Variants in CSMD1 observed in about 807,000 individuals in gnomAD.
CSMD1 encodes the protein CUB and sushi domain-containing protein 1.
A neutral mutation model predicts 417.5 loss-of-function variants in CSMD1; 213 were observed. The observed-to-expected ratio is 0.51, with a 90% CI of 0.46 to 0.57. CSMD1 has a LOEUF of 0.57. Among genes scored for constraint, CSMD1 ranks in the 20% least tolerant of loss-of-function variants. CSMD1 has a pLI of 0.00. For missense variants in CSMD1, 6,923 were observed against 4,529.7 expected, an observed-to-expected ratio of 1.53 and a Z score of -15.17; for synonymous variants, 2,862 against 1,736.8, an observed-to-expected ratio of 1.65 and a Z score of -16.11.
At chr8:3,776,579 T>C (rs1352860448) in intron 5 of CSMD1, among the ~76,000 whole-genome samples, 1 of 152,148 alleles carries the variant, frequency 6.6e-6, no homozygotes, top group Non-Finnish European at 1.5e-5. Context: ...ACTCACCTTC[T>C]TCCTACGGGA....
At chr8:4,439,995 G>A (rs1270465114) in intron 2 of CSMD1, among the ~76,000 whole-genome samples, 1 of 152,096 alleles carries the variant, frequency 6.6e-6, no homozygotes, top group Non-Finnish European at 1.5e-5. Context: ...CCTAGACATG[G>A]GGGGTATACA....
Position 3,262,216 on chromosome 8 carries a change from TATATATATATATATAC to T in CSMD1, c.4153+21912_4153+21927del, listed in dbSNP as rs1364808727. Among the ~76,000 whole-genome samples, 130 of 105,836 alleles carry T rather than the reference TATATATATATATATAC, an allele frequency of 1.2e-3. 2 individuals carry two copies. The highest frequency in any genetic ancestry group is 3.9e-3 in the African/African-American group (114 of 28,896). 69.4% of individuals were successfully genotyped at this position (105,836 alleles called of 152,430 possible). On this transcript the variant is annotated intron_variant, in intron 26 of 69. Transcript: ENST00000635120. ...ATATATATATATATATATATATATA[TATATATATATATATAC>T]ACACACATAGTTAATTTCAAAATTC...
At chr8:4,877,511 C>T (rs1178295591) in intron 1 of CSMD1, among the ~76,000 whole-genome samples, 1 of 152,084 alleles carries the variant, frequency 6.6e-6, no homozygotes, top group Non-Finnish European at 1.5e-5. Context: ...TCCCGATCCC[C>T]TAAACTTCCT....
intron 1 of CSMD1, among the ~76,000 whole-genome samples, chr8:4,768,723 C>G (rs7839896): frequency 0.45 from 68,327 of 151,972 alleles, 15,749 homozygotes; most frequent in East Asian, 0.61. Context: ...GCACCAAACT[C>G]CCCAGGAGTG....
chr8:3,156,897 C>T (rs1819570319), intron 39 of CSMD1, among the ~76,000 whole-genome samples: 1 of 141,344 alleles, frequency 7.1e-6, no homozygotes, highest in Non-Finnish European at 1.5e-5. Flanking sequence ...AGGATACGCT[C>T]AGGTGGAAGG....
chr8:4,067,863 G>T (rs188655298), intron 3 of CSMD1, among the ~76,000 whole-genome samples: 1 of 152,098 alleles, frequency 6.6e-6, no homozygotes, highest in African/African-American at 2.4e-5. Flanking sequence ...CGGATCATGA[G>T]GTCAAGAGAT....
At chr8:3,481,209 G>A (rs938676660) in intron 11 of CSMD1, among the ~76,000 whole-genome samples, 6 of 148,738 alleles carry the variant, frequency 4.0e-5, no homozygotes, top group African/African-American at 9.9e-5. Flanking sequence ...TGCCCTTAAT[G>A]GTTGGCTCAA....
At chr8:2,976,219 G>T (rs1252064098) in intron 55 of CSMD1, among the ~76,000 whole-genome samples, 2 of 149,086 alleles carry the variant, frequency 1.3e-5, no homozygotes, top group African/African-American at 5.0e-5. Flanking sequence ...AAACTCACTT[G>T]GAGAAAAAAA....
intron 2 of CSMD1, among the ~76,000 whole-genome samples, chr8:4,593,133 G>A (rs1343687073): frequency 6.6e-6 from 1 of 152,272 alleles, no homozygotes; most frequent in African/African-American, 2.4e-5. Context: ...AGGGTGAATG[G>A]AGGATGCTGA....
intron 22 of CSMD1, among the ~76,000 whole-genome samples, chr8:3,346,132 A>C (rs918418612): frequency 6.6e-6 from 1 of 152,258 alleles, no homozygotes. Context: ...ATTTAACAAA[A>C]TATATGCCTG....
chr8:3,556,199 A>T (rs1170293735), intron 10 of CSMD1, among the ~76,000 whole-genome samples: 1 of 151,776 alleles, frequency 6.6e-6, no homozygotes, highest in East Asian at 1.9e-4. Flanking sequence ...TTAATTATGA[A>T]GACTTTTGTT....
At chr8:3,080,891 G>A (rs147324416) in intron 49 of CSMD1, among the ~76,000 whole-genome samples, 51 of 152,092 alleles carry the variant, frequency 3.4e-4, no homozygotes, top group Non-Finnish European at 5.6e-4. Flanking sequence ...TTTCAAATCC[G>A]AGTAATTTTT....
chr8:3,808,910 G>C (rs1489626409), intron 5 of CSMD1, among the ~76,000 whole-genome samples: 1 of 152,142 alleles, frequency 6.6e-6, no homozygotes, highest in Non-Finnish European at 1.5e-5. Context: ...CTTCTAGTCA[G>C]GCAAGCCTCA....
chr8:3,790,733 C>T (rs189946069), intron 5 of CSMD1, among the ~76,000 whole-genome samples: 1 of 152,222 alleles, frequency 6.6e-6, no homozygotes, highest in African/African-American at 2.4e-5. Flanking sequence ...CAAACTTCTC[C>T]ATTTCAAAGA....
chr8:3,161,961 T>C (rs557183455), intron 38 of CSMD1, among the ~76,000 whole-genome samples, 198 bp downstream of exon 38: 1 of 152,344 alleles, frequency 6.6e-6, no homozygotes, highest in African/African-American at 2.4e-5. Flanking sequence ...AATGCTTAGC[T>C]TTGAAAGAGT....
chr8:4,492,908 T>C (rs1801779461), intron 2 of CSMD1, among the ~76,000 whole-genome samples: 2 of 152,230 alleles, frequency 1.3e-5, no homozygotes, highest in Non-Finnish European at 2.9e-5. Flanking sequence ...GTGCTATCAA[T>C]TAGATGGAAG....
At chr8:4,174,321 G>C (rs778373764) in intron 3 of CSMD1, among the ~76,000 whole-genome samples, 5 of 152,110 alleles carry the variant, frequency 3.3e-5, no homozygotes, top group South Asian at 4.1e-4. Context: ...ACATGACCTA[G>C]GTATTATTCC....
chr8:4,273,281 T>A (rs763333350), intron 3 of CSMD1, among the ~76,000 whole-genome samples: 31 of 152,124 alleles, frequency 2.0e-4, no homozygotes, highest in Admixed American at 9.8e-4. Context: ...CACAAATGAA[T>A]GTGAGTATAT....
chr8:4,563,964 T>C (rs1259833510), intron 2 of CSMD1, among the ~76,000 whole-genome samples: 1 of 152,188 alleles, frequency 6.6e-6, no homozygotes, highest in Non-Finnish European at 1.5e-5. Context: ...AATATATTGT[T>C]TTAGCTGTTG....
Sources: allele counts gnomAD v4.1 joint callset (sites outside exome capture counted in the v4.1 genomes callset), GRCh38; gene constraint gnomAD v4.1.1; transcripts MANE v1.5; gene names NCBI Gene and HGNC (gene_info 2026-07-23, HGNC 2026-07-21).